The following ARID1A variants were observed in gnomAD, a reference collection of about 807,000 sequenced individuals.
The protein encoded by ARID1A is AT-rich interactive domain-containing protein 1A.
Under a neutral mutation model 212.6 loss-of-function variants are expected in ARID1A, and 20 were observed. The ratio of observed to expected loss-of-function variants is 0.09; its 90% CI spans 0.07 to 0.14. The LOEUF is 0.14. Ranked by LOEUF, ARID1A falls within the 10% of genes least tolerant of loss-of-function variation. The pLI is 1.00. For synonymous variants in ARID1A, 1,376 were observed against 1,222.1 expected (o/e 1.13, Z -2.63); for missense variants, 2,587 against 3,059.0 (o/e 0.85, Z 3.64).
intron 11 of ARID1A, chr1:26,769,639 T>C (rs1478747541): frequency 6.6e-6 from 1 of 152,396 alleles, no homozygotes; most frequent in East Asian, 1.9e-4. Context: ...TTTAAACTCT[T>C]CTTTCTAGTA....
rs1252253156 is a variant in ARID1A at position 26,779,621 on chromosome 1, C to T, written c.5723C>T (p.Thr1908Ile). The T allele has an allele frequency of 6.2e-7, 1 of 1,614,038 alleles. No homozygotes were observed. The highest frequency in any genetic ancestry group is 8.5e-7 in the Non-Finnish European group (1 of 1,180,038). ...PPDGPPEKRITATMDDMLSTR... is the reference protein window; with the variant it reads ...PPDGPPEKRIIATMDDMLSTR... ...GATGGACCTCCAGAAAAACGGATCA[C>T]AGCCACTATGGATGACATGTTGTCT... The change falls in exon 20 of 20, where the codon ACA becomes ATA. Residue 1908 changes from threonine (T) to isoleucine (I), a missense_variant. Physicochemically the swap from Thr to Ile is moderately conservative, Grantham distance 89 (BLOSUM62 -1). Around this residue, in one of 11 missense-constraint regions of ARID1A, gnomAD observed 890 missense variants for 1,098.2 expected, o/e 0.81. Coordinates refer to ENST00000324856, the MANE Select transcript of ARID1A (RefSeq NM_006015.6).
At chr1:26,778,941 T>C in intron 19 of ARID1A, 82 bp from the exon 20 acceptor site, 1 of 1,366,614 alleles carries the variant, frequency 7.3e-7, no homozygotes, top group Non-Finnish European at 9.8e-7. Context: ...TACAGAAGAC[T>C]TGGGGAGGTC....
Position 26,780,442 on chromosome 1 carries a change from G to T in ARID1A, c.6544G>T (p.Ala2182Ser). Residue 2182 changes from alanine (A) to serine (S), a missense_variant, in exon 20 of 20, where the codon GCT becomes TCT. Ala to Ser is a moderately conservative substitution (Grantham distance 99). Transcript: ENST00000324856. This position sits in a 1 kb window ranked among gnomAD's most constrained non-coding sequence, Gnocchi z 7.2. ...CCTGGCTCAGGGGGACAGCCTGGCA[G>T]CTCGTGCCATTGCAGTGCAGAAGGG... The part of the protein sequence containing the change: ...ANLAQGDSLA[A>S]RAIAVQKGSI... 6.2e-7 allele frequency: 1 copy of T among 1,614,248 alleles called. No homozygotes were observed. Among genetic ancestry groups the T allele is most frequent in the African/African-American group, 1.3e-5 (1 of 75,070 alleles).
chr1:26,779,313 G>A lies in ARID1A; in HGVS notation c.5415G>A (p.Leu1805=), dbSNP rs777133728. The A allele has an allele frequency of 1.2e-6, 2 of 1,614,238 alleles. No individual in the cohort carries two copies. The highest frequency in any genetic ancestry group is 2.2e-5 in the East Asian group (1 of 44,894). The change falls in exon 20 of 20, where the codon CTG becomes CTA. Residue 1805 remains leucine, a synonymous_variant. Transcript: ENST00000324856. ...CTTCAGAGAATAGTGAGGAGAAGCT[G>A]ATCAGTAAGTTTGACAAGCTTCCAG... ...KPASENSEEK[L]ISKFDKLPVK...
At position 26,732,789 on chromosome 1, in the gene ARID1A, G is replaced by T. The variant is rs2124792788; in HGVS notation, c.1917G>T (p.Leu639Phe). The change falls in exon 4 of 20, where the codon TTG becomes TTT. Residue 639 changes from leucine to phenylalanine, a missense_variant. By Grantham distance (22) the Leu-to-Phe change is conservative (BLOSUM62 0). This residue lies in a region of ARID1A where 674 missense variants were observed against 813.4 expected (regional missense o/e 0.83). Coordinates refer to ENST00000324856, the MANE Select transcript of ARID1A (RefSeq NM_006015.6). The part of the protein sequence containing the change: ...NLSLQSRPSS[L>F]PDLSGSIDDL... ...GCCTTCAGTCAAGACCCTCCAGCTT[G>T]CCTGTGAGTATTTCTGCACCTTCTG... 2 of 1,611,648 alleles carry T rather than the reference G, an allele frequency of 1.2e-6. No homozygotes were observed. Among genetic ancestry groups the T allele is most frequent in the Non-Finnish European group, 1.7e-6 (2 of 1,177,816 alleles).
At chr1:26,731,024 C>A (rs578246182) in intron 2 of ARID1A, 128 bp from the exon 3 acceptor site, 12 of 1,060,304 alleles carry the variant, frequency 1.1e-5, no homozygotes, top group Non-Finnish European at 1.7e-5. Flanking sequence ...AAACCCTGGG[C>A]CTCCTAAGTA....
chr1:26,697,929 C>G (rs898799197), intron 1 of ARID1A, among the ~76,000 whole-genome samples: 3 of 152,092 alleles, frequency 2.0e-5, no homozygotes, highest in African/African-American at 7.2e-5. Flanking sequence ...ATGAACGTTT[C>G]TTTGCTCACC....
intron 1 of ARID1A, among the ~76,000 whole-genome samples, chr1:26,723,353 C>G (rs1263071588): frequency 6.6e-6 from 1 of 152,172 alleles, no homozygotes; most frequent in East Asian, 1.9e-4. Flanking sequence ...GGGTCCCATA[C>G]TGGAACTGGA....
At chr1:26,772,096 T>C (rs1389554621) in intron 12 of ARID1A, 1 of 197,598 alleles carries the variant, frequency 5.1e-6, no homozygotes, top group African/African-American at 2.3e-5. Context: ...ACTCCTAAAA[T>C]GCATCCCAGA....
intron 19 of ARID1A, among the ~76,000 whole-genome samples, chr1:26,777,582 C>G (rs1258307265): frequency 6.6e-6 from 1 of 152,064 alleles, no homozygotes; most frequent in Non-Finnish European, 1.5e-5. Context: ...CTGTGTTGCC[C>G]AGGCTGGTCT....
At chr1:26,759,781 A>C (rs899236804) in intron 4 of ARID1A, among the ~76,000 whole-genome samples, 3 of 152,256 alleles carry the variant, frequency 2.0e-5, no homozygotes, top group African/African-American at 7.2e-5. Flanking sequence ...CTCACTGAAA[A>C]ACATAAAAGC....
chr1:26,696,616 G>A lies in ARID1A; in HGVS notation c.213G>A (p.Lys71=), dbSNP rs1341528830. The change falls in exon 1 of 20, where the codon AAG becomes AAA. Residue 71 remains lysine (K), a synonymous_variant. Coordinates refer to ENST00000324856, the MANE Select transcript of ARID1A (RefSeq NM_006015.6). ...PAVGPPQPLG[K]ELQDGAESNG... is the part of the protein sequence containing the mutation. ...TGGGGCCGCCGCAGCCGCTGGGAAA[G>A]GAGCTGCAGGACGGGGCCGAGAGCA... The A allele has an allele frequency of 3.3e-5, 41 of 1,243,214 alleles. No individual in the cohort carries two copies. The highest frequency in any genetic ancestry group is 6.4e-5 in the East Asian group (2 of 31,302). The allele number at this position is 1,243,214 out of a possible 1,614,324, so 77.0% of individuals were successfully genotyped here. A position where few individuals can be genotyped will look rare whatever the true frequency, so the allele number is the denominator to read the frequency against.
intron 1 of ARID1A, among the ~76,000 whole-genome samples, chr1:26,720,067 A>G (rs2080546330): frequency 6.8e-6 from 1 of 147,480 alleles, no homozygotes; most frequent in Non-Finnish European, 1.5e-5. Flanking sequence ...CCTGACCAAC[A>G]TGGTGAAACC....
At position 26,772,895 on chromosome 1, in the gene ARID1A, A is replaced by G; in HGVS notation, c.3623A>G (p.Asn1208Ser). Residue 1208 changes from asparagine (N) to serine (S), a missense_variant, in exon 14 of 20, where the codon AAC (asparagine) becomes AGC (serine). Coordinates refer to ENST00000324856, the MANE Select transcript of ARID1A (RefSeq NM_006015.6). ...TFQKRNSMTPNPGYQPSMNTS... is the reference protein window; with the variant it reads ...TFQKRNSMTPSPGYQPSMNTS... ...CAGAAGCGGAATTCCATGACTCCAAACCCTGGGTATCAGCCCAGTATGAAT... is the reference window on the plus strand; with the variant it reads ...CAGAAGCGGAATTCCATGACTCCAAGCCCTGGGTATCAGCCCAGTATGAAT... The G allele has an allele frequency of 6.2e-7, 1 of 1,614,032 alleles. No individual in the cohort carries two copies. Among genetic ancestry groups the G allele is most frequent in the Non-Finnish European group, 8.5e-7 (1 of 1,180,004 alleles).
chr1:26,757,469 CAAAAAAAA>C (rs753801327), intron 4 of ARID1A, among the ~76,000 whole-genome samples: 1 of 63,568 alleles, frequency 1.6e-5, no homozygotes, highest in African/African-American at 6.1e-5. Flanking sequence ...GACTCCGTCT[CAAAAAAAA>C]AAAAAAAAGG....
At chr1:26,743,352 C>T (rs2080806626) in intron 4 of ARID1A, among the ~76,000 whole-genome samples, 1 of 152,088 alleles carries the variant, frequency 6.6e-6, no homozygotes, top group South Asian at 2.1e-4. Flanking sequence ...ATTGGCATAG[C>T]CTTATGCTGG....
intron 4 of ARID1A, among the ~76,000 whole-genome samples, chr1:26,757,310 A>G (rs2124041616): frequency 6.6e-6 from 1 of 151,010 alleles, no homozygotes; most frequent in East Asian, 2.0e-4. Flanking sequence ...TACTAAAAAT[A>G]CAAAAAAAAA....
At chr1:26,770,608 A>C (rs2081075027) in intron 11 of ARID1A, 1 of 153,866 alleles carries the variant, frequency 6.5e-6, no homozygotes, top group Non-Finnish European at 1.4e-5. Context: ...AAATACAAAA[A>C]TTAGCCAGGC....
chr1:26,734,599 G>C (rs1453640996), intron 4 of ARID1A, among the ~76,000 whole-genome samples: 1 of 152,204 alleles, frequency 6.6e-6, no homozygotes, highest in Non-Finnish European at 1.5e-5. Flanking sequence ...TGGGAGGTAA[G>C]CTGGCTGGGT....
Sources: allele counts gnomAD v4.1 joint callset (sites outside exome capture counted in the v4.1 genomes callset), GRCh38; gene constraint gnomAD v4.1.1; regional missense constraint gnomAD v4.1.1; non-coding constraint Gnocchi (gnomAD v3.1); transcripts MANE v1.5; gene names NCBI Gene and HGNC (gene_info 2026-07-23, HGNC 2026-07-21).